UNC5D: variants seen among roughly 807,000 people sequenced by gnomAD.
UNC5D encodes unc-5 netrin receptor D, also known as netrin receptor UNC5D.
Under a neutral mutation model 105.4 loss-of-function variants are expected in UNC5D, and 39 were observed. That is an observed-to-expected ratio of 0.37 (90% confidence interval 0.29 to 0.48). UNC5D has a LOEUF of 0.48. UNC5D is among the 20% of genes least tolerant of loss of function. UNC5D has a pLI of 0.98. For missense variants in UNC5D, 991 were observed against 1,202.4 expected (o/e 0.82, Z 2.60); for synonymous variants, 452 against 450.4 (o/e 1.00, Z -0.04).
intron 1 of UNC5D, among the ~76,000 whole-genome samples, chr8:35,314,564 A>AAT (rs1270799764): frequency 2.1e-5 from 1 of 47,962 alleles, no homozygotes; most frequent in East Asian, 0.045. Flanking sequence ...ATGTAATAGG[A>AAT]ATATATGTAA....
chr8:35,717,080 C>T (rs1466238928), intron 8 of UNC5D, among the ~76,000 whole-genome samples: 2 of 152,160 alleles, frequency 1.3e-5, no homozygotes, highest in African/African-American at 2.4e-5. Flanking sequence ...GCTGTATTTA[C>T]TGTATGGATT....
intron 1 of UNC5D, among the ~76,000 whole-genome samples, chr8:35,512,675 C>G (rs1400247430): frequency 1.3e-5 from 2 of 148,856 alleles, no homozygotes; most frequent in South Asian, 4.3e-4. Context: ...GTCTGCTCCT[C>G]CCCTGGTCTT....
At chr8:35,470,464 A>G (rs958779707) in intron 1 of UNC5D, among the ~76,000 whole-genome samples, 2 of 151,886 alleles carry the variant, frequency 1.3e-5, no homozygotes, top group Non-Finnish European at 2.9e-5. Context: ...TAGTGCAAAG[A>G]ATGAGCATAG....
chr8:35,757,671 C>G (rs998030619), intron 13 of UNC5D, among the ~76,000 whole-genome samples: 2 of 152,140 alleles, frequency 1.3e-5, no homozygotes, highest in Non-Finnish European at 2.9e-5. Flanking sequence ...TTTCTGCACA[C>G]CCAGTGCCCA....
intron 4 of UNC5D, among the ~76,000 whole-genome samples, chr8:35,626,528 G>A (rs765894286): frequency 1.1e-4 from 16 of 152,142 alleles, no homozygotes; most frequent in Non-Finnish European, 1.6e-4. Flanking sequence ...GATTCTGTAA[G>A]GTGTTGCATT....
intron 1 of UNC5D, among the ~76,000 whole-genome samples, chr8:35,294,555 G>A (rs1807322083): frequency 6.6e-6 from 1 of 151,956 alleles, no homozygotes; most frequent in Admixed American, 6.6e-5. Flanking sequence ...TGAATCTATA[G>A]GGGTGCCTTT....
intron 1 of UNC5D, among the ~76,000 whole-genome samples, chr8:35,362,871 CTG>C (rs1801927277): frequency 6.6e-6 from 1 of 152,110 alleles, no homozygotes; most frequent in Admixed American, 6.5e-5. Flanking sequence ...ATAGTAATGG[CTG>C]TGTTTCCAAA....
At chr8:35,300,284 C>A (rs1585530200) in intron 1 of UNC5D, among the ~76,000 whole-genome samples, 1 of 151,790 alleles carries the variant, frequency 6.6e-6, no homozygotes, top group South Asian at 2.1e-4. Flanking sequence ...GCCATCTCTA[C>A]TAAAAATACA....
chr8:35,428,483 G>C (rs533324644), intron 1 of UNC5D, among the ~76,000 whole-genome samples: 1 of 149,772 alleles, frequency 6.7e-6, no homozygotes, highest in Non-Finnish European at 1.5e-5. Flanking sequence ...ACTGCCCCCC[G>C]GCCAAATCTA....
rs1027303872 is a variant in UNC5D at position 35,564,161 on chromosome 8, T to A, written c.323-3937T>A. On this transcript the variant is annotated intron_variant, in intron 2 of 16. Coordinates refer to ENST00000404895, the MANE Select transcript of UNC5D (RefSeq NM_080872.4). ...ATTCTCTCCTCTTCAATTTTTTTTT[T>A]AATTTTTTGAGACTTGTTTTGTGGC... Among the ~76,000 whole-genome samples, 6 of 152,118 alleles carry A rather than the reference T, an allele frequency of 3.9e-5. No individual in the cohort carries two copies. In the East Asian group the frequency reaches 5.8e-4, roughly 15 times the overall value.
chr8:35,273,644 CT>C (rs1805575346), intron 1 of UNC5D, among the ~76,000 whole-genome samples: 1 of 152,134 alleles, frequency 6.6e-6, no homozygotes, highest in African/African-American at 2.4e-5. Context: ...AAATTAATAG[CT>C]GAAACTCAGG....
Position 35,792,734 on chromosome 8 carries a change from AT to A in UNC5D, c.*2176del. On this transcript the variant is annotated 3_prime_UTR_variant, in exon 17 of 17. Coordinates refer to ENST00000404895, the MANE Select transcript of UNC5D (RefSeq NM_080872.4). ...CTTATGTTGGAATCCATCTTGGAGG[AT>A]TTTTGTTTTAAACTGTCTTTAGCAT... is the stretch of plus-strand genomic sequence containing the variant. 1 of 263,194 alleles carries A rather than the reference AT, an allele frequency of 3.8e-6. No individual in the cohort carries two copies. Among genetic ancestry groups the A allele is most frequent in the Non-Finnish European group, 7.4e-6 (1 of 135,586 alleles). 16.3% of individuals were successfully genotyped at this position (263,194 alleles called of 1,614,324 possible). A position where few individuals can be genotyped will look rare whatever the true frequency, so the allele number is the denominator to read the frequency against.
chr8:35,296,543 C>A (rs912466886), intron 1 of UNC5D, among the ~76,000 whole-genome samples: 1 of 152,140 alleles, frequency 6.6e-6, no homozygotes, highest in African/African-American at 2.4e-5. Context: ...CCTCTGCCTC[C>A]TGAGTAGTTG....
intron 1 of UNC5D, among the ~76,000 whole-genome samples, chr8:35,413,292 T>TGTGTGTGTGTG (rs56157732): frequency 7.8e-6 from 1 of 127,978 alleles, no homozygotes; most frequent in East Asian, 2.5e-4. Flanking sequence ...TGTGTGTGTG[T>TGTGTGTGTGTG]TGTGTGTGTG....
chr8:35,615,077 C>T (rs548442073), intron 4 of UNC5D, among the ~76,000 whole-genome samples: 34 of 104,016 alleles, frequency 3.3e-4, no homozygotes, highest in Admixed American at 8.5e-4. Flanking sequence ...CTCCACAAAA[C>T]TAAAAAAATA....
chr8:35,458,743 C>T lies in UNC5D; in HGVS notation c.104-90549C>T, dbSNP rs535893806. ...CTTTTTAAGGCCATTGTGCCTTATG[C>T]AAGCCTCAGATTTTACTGGGTTTTC... On this transcript the variant is annotated intron_variant, in intron 1 of 16. Transcript: ENST00000404895. Among the ~76,000 whole-genome samples the T allele has an allele frequency of 2.2e-4, 33 of 152,278 alleles. 2 individuals carry two copies. The South Asian group carries it at 6.4e-3, about 30-fold the overall frequency.
chr8:35,304,359 T>C (rs1174326191), intron 1 of UNC5D, among the ~76,000 whole-genome samples: 1 of 152,066 alleles, frequency 6.6e-6, no homozygotes, highest in Non-Finnish European at 1.5e-5. Context: ...GAAAACCCGT[T>C]TCTTGACTTT....
chr8:35,372,540 G>A (rs1325927491), intron 1 of UNC5D, among the ~76,000 whole-genome samples: 1 of 152,104 alleles, frequency 6.6e-6, no homozygotes, highest in Non-Finnish European at 1.5e-5. Context: ...TGAACCTGAA[G>A]CTTCAGAAAG....
intron 1 of UNC5D, among the ~76,000 whole-genome samples, chr8:35,304,048 T>C (rs1808158868): frequency 6.6e-6 from 1 of 152,168 alleles, no homozygotes; most frequent in Non-Finnish European, 1.5e-5. Context: ...TCCATGAGAT[T>C]TGACTTCTAA....
Sources: allele counts gnomAD v4.1 joint callset (sites outside exome capture counted in the v4.1 genomes callset), GRCh38; gene constraint gnomAD v4.1.1; transcripts MANE v1.5; gene names NCBI Gene and HGNC (gene_info 2026-07-23, HGNC 2026-07-21).